HS6ST3: variants seen among roughly 807,000 people sequenced by gnomAD.
HS6ST3 encodes the protein heparan sulfate 6-O-sulfotransferase 3.
HS6ST3 carries 12 observed loss-of-function variants against 36.7 expected under a neutral mutation model. The observed-to-expected ratio is 0.33, with a 90% CI of 0.21 to 0.53. The LOEUF (loss-of-function observed/expected upper bound fraction) is 0.53. Among genes scored for constraint, HS6ST3 ranks in the 20% least tolerant of loss-of-function variants. The pLI is 0.95. For missense variants in HS6ST3, 584 were observed against 640.9 expected (o/e 0.91, Z 0.96); for synonymous variants, 240 against 257.5 (o/e 0.93, Z 0.65).
chr13:96,091,184 G>A lies in HS6ST3; in HGVS notation c.322G>A (p.Asp108Asn). The change falls in exon 1 of 2, where the codon GAC becomes AAC. Residue 108 changes from aspartate (D) to asparagine (N), a missense_variant. By Grantham distance (23) the Asp-to-Asn change is conservative. Transcript: ENST00000376705. ...PREGEEEEEE[D>N]EPDPEAPENG... ...GGAGGGGGAGGAAGAGGAGGAGGAA[G>A]ACGAGCCGGACCCCGAGGCCCCGGA... 1 of 1,552,210 alleles carries A rather than the reference G, an allele frequency of 6.4e-7. No individual in the cohort carries two copies. The highest frequency in any genetic ancestry group is 8.7e-7 in the Non-Finnish European group (1 of 1,147,698).
chr13:96,545,095 C>G (rs1020381612), intron 1 of HS6ST3, among the ~76,000 whole-genome samples: 1 of 152,120 alleles, frequency 6.6e-6, no homozygotes, highest in African/African-American at 2.4e-5. Context: ...ATAATGCTAT[C>G]TAAGTCTTGC....
intron 1 of HS6ST3, among the ~76,000 whole-genome samples, chr13:96,518,722 A>T (rs1357050600): frequency 6.6e-6 from 1 of 152,204 alleles, no homozygotes; most frequent in Non-Finnish European, 1.5e-5. Context: ...CTGGATTAAG[A>T]CAGGAATAAT....
intron 1 of HS6ST3, among the ~76,000 whole-genome samples, chr13:96,387,936 C>T (rs544077652): frequency 8.5e-4 from 130 of 152,226 alleles, no homozygotes; most frequent in Admixed American, 4.0e-3. Context: ...GTGTAGGTTT[C>T]GCCTCTGAGT....
intron 1 of HS6ST3, among the ~76,000 whole-genome samples, chr13:96,428,156 G>A (rs1233773335): frequency 6.6e-6 from 1 of 152,060 alleles, no homozygotes; most frequent in East Asian, 1.9e-4. Flanking sequence ...GACTGTCCTG[G>A]CTTACATGAT....
intron 1 of HS6ST3, among the ~76,000 whole-genome samples, chr13:96,426,284 T>A (rs1251927100): frequency 6.6e-6 from 1 of 152,162 alleles, no homozygotes; most frequent in Non-Finnish European, 1.5e-5. Context: ...GTTTTTTGAA[T>A]CCAGCTCGTA....
In HS6ST3 at chr13:96,105,257, T is replaced by C. The variant is rs76619189; in HGVS notation, c.707+13688T>C. On this transcript the variant is annotated intron_variant, in intron 1 of 1. Transcript: ENST00000376705. ...GTCTCCAAGTCACATGGTTCTAAGC[T>C]GTGGAAAGACATGGAAGTAGGAGGA... is the stretch of plus-strand genomic sequence containing the variant. Among the ~76,000 whole-genome samples the C allele has an allele frequency of 6.6e-5, 10 of 151,852 alleles. No individual in the cohort carries two copies. In the East Asian group the frequency reaches 1.9e-3, roughly 29 times the overall value.
chr13:96,725,714 A>C (rs1005819635), intron 1 of HS6ST3, among the ~76,000 whole-genome samples: 1 of 152,052 alleles, frequency 6.6e-6, no homozygotes, highest in Non-Finnish European at 1.5e-5. Flanking sequence ...CTATCTATCT[A>C]TTGAGAAAAG....
chr13:96,123,591 AG>A (rs2053936774), intron 1 of HS6ST3, among the ~76,000 whole-genome samples: 1 of 152,162 alleles, frequency 6.6e-6, no homozygotes, highest in Non-Finnish European at 1.5e-5. Context: ...ACTCTTAGAG[AG>A]CAACACAAAT....
At chr13:96,336,942 G>C (rs2055104340) in intron 1 of HS6ST3, among the ~76,000 whole-genome samples, 1 of 152,078 alleles carries the variant, frequency 6.6e-6, no homozygotes, top group Admixed American at 6.5e-5. Context: ...ATTAATAACT[G>C]TCCCACTTAC....
At chr13:96,439,200 C>T (rs1383074461) in intron 1 of HS6ST3, among the ~76,000 whole-genome samples, 1 of 152,146 alleles carries the variant, frequency 6.6e-6, no homozygotes, top group Non-Finnish European at 1.5e-5. Context: ...CACTATGGTT[C>T]TAGTTCTAGC....
chr13:96,394,390 T>A (rs1024408494), intron 1 of HS6ST3, among the ~76,000 whole-genome samples: 9 of 152,026 alleles, frequency 5.9e-5, no homozygotes, highest in African/African-American at 1.9e-4. Context: ...AGGGATAAAG[T>A]GTCACTTTTT....
intron 1 of HS6ST3, among the ~76,000 whole-genome samples, chr13:96,164,795 A>T (rs1023159133): frequency 1.3e-5 from 2 of 152,152 alleles, no homozygotes; most frequent in Non-Finnish European, 2.9e-5. Flanking sequence ...CTGGTCTTAC[A>T]TGTATTTCTA....
At chr13:96,813,118 G>T (rs542926243) in intron 1 of HS6ST3, among the ~76,000 whole-genome samples, 1 of 152,314 alleles carries the variant, frequency 6.6e-6, no homozygotes, top group South Asian at 2.1e-4. Context: ...TGGGTATCAA[G>T]ATCAATTTTG....
At chr13:96,790,036 T>C (rs1437128744) in intron 1 of HS6ST3, among the ~76,000 whole-genome samples, 2 of 151,936 alleles carry the variant, frequency 1.3e-5, no homozygotes, top group African/African-American at 4.8e-5. Context: ...TTTGGGATTC[T>C]AATAACTCAA....
chr13:96,493,180 G>T (rs925811900), intron 1 of HS6ST3, among the ~76,000 whole-genome samples: 5 of 151,980 alleles, frequency 3.3e-5, no homozygotes, highest in Non-Finnish European at 7.4e-5. Flanking sequence ...GTAGCTTTTT[G>T]TTGTTGTTAT....
chr13:96,264,545 C>T (rs7321355), intron 1 of HS6ST3, among the ~76,000 whole-genome samples: 7,849 of 152,212 alleles, frequency 0.052, 286 homozygotes, highest in East Asian at 0.16. Context: ...TAATGAACAA[C>T]CTGGTCTCTC....
intron 1 of HS6ST3, among the ~76,000 whole-genome samples, chr13:96,821,240 C>G (rs1204911989): frequency 6.6e-6 from 1 of 152,220 alleles, no homozygotes; most frequent in African/African-American, 2.4e-5. Flanking sequence ...CTTCTGCTTC[C>G]TGTCCATCCC....
intron 1 of HS6ST3, among the ~76,000 whole-genome samples, chr13:96,566,127 A>G (rs1386421947): frequency 6.6e-6 from 1 of 152,098 alleles, no homozygotes; most frequent in Non-Finnish European, 1.5e-5. Context: ...AAAAGTTTCA[A>G]TGGAATGGGA....
chr13:96,095,045 G>A (rs1297024098), intron 1 of HS6ST3, among the ~76,000 whole-genome samples: 2 of 152,174 alleles, frequency 1.3e-5, no homozygotes, highest in African/African-American at 4.8e-5. Context: ...AAGGATTGAA[G>A]AGAGAATCTA....
Sources: allele counts gnomAD v4.1 joint callset (sites outside exome capture counted in the v4.1 genomes callset), GRCh38; gene constraint gnomAD v4.1.1; transcripts MANE v1.5; gene names NCBI Gene and HGNC (gene_info 2026-07-23, HGNC 2026-07-21).